The following FHIT variants were observed in gnomAD, a reference collection of about 807,000 sequenced individuals.
FHIT encodes bis(5'-adenosyl)-triphosphatase.
In FHIT, 19 loss-of-function variants were observed where a neutral mutation model predicts 17.9. That is an observed-to-expected ratio of 1.06 (90% CI 0.74 to 1.56). FHIT has a LOEUF of 1.56. FHIT is among the 40% of genes most tolerant of loss of function. FHIT has a pLI of 0.00. For synonymous variants in FHIT, 81 were observed against 69.7 expected (o/e 1.16, Z -0.81); for missense variants, 248 against 189.2 (o/e 1.31, Z -1.82).
intron 5 of FHIT, among the ~76,000 whole-genome samples, chr3:60,018,855 C>A (rs1303365126): frequency 3.9e-5 from 6 of 152,086 alleles, no homozygotes; most frequent in African/African-American, 1.4e-4. Context: ...TGGCGGGCAT[C>A]TGTAATCCCA....
intron 8 of FHIT, among the ~76,000 whole-genome samples, chr3:59,823,920 T>C (rs538054820): frequency 1.3e-5 from 2 of 152,178 alleles, no homozygotes; most frequent in Non-Finnish European, 2.9e-5. Context: ...CGCTGTTTGC[T>C]GATGATATGA....
At chr3:60,130,775 TGTGTGTGTG>T (rs1457796164) in intron 5 of FHIT, among the ~76,000 whole-genome samples, 104 of 432 alleles carry the variant, frequency 0.24, 1 homozygote, top group African/African-American at 0.41. Context: ...TTTGTGTGTG[TGTGTGTGTG>T]GTGTGTATAT....
intron 5 of FHIT, among the ~76,000 whole-genome samples, chr3:60,328,110 G>A (rs1240689769): frequency 1.3e-5 from 2 of 152,156 alleles, no homozygotes; most frequent in South Asian, 2.1e-4. Flanking sequence ...TAGCCACCAT[G>A]CTTGTCAATC....
intron 5 of FHIT, among the ~76,000 whole-genome samples, chr3:60,394,069 A>C (rs1424388195): frequency 6.6e-6 from 1 of 152,154 alleles, no homozygotes; most frequent in East Asian, 1.9e-4. Flanking sequence ...TTATGGTGTA[A>C]GCAAAGCCTC....
chr3:60,358,005 C>G (rs1440930982), intron 5 of FHIT, among the ~76,000 whole-genome samples: 1 of 152,160 alleles, frequency 6.6e-6, no homozygotes, highest in African/African-American at 2.4e-5. Context: ...CTATAGACCT[C>G]CAACCCAAAC....
chr3:60,950,447 A>G (rs1481691288), intron 3 of FHIT, among the ~76,000 whole-genome samples: 1 of 151,938 alleles, frequency 6.6e-6, no homozygotes, highest in Non-Finnish European at 1.5e-5. Flanking sequence ...ATAAAATAAA[A>G]TATTAAAGAA....
chr3:61,033,590 C>T (rs2033108193), intron 3 of FHIT, among the ~76,000 whole-genome samples: 1 of 152,184 alleles, frequency 6.6e-6, no homozygotes, highest in Non-Finnish European at 1.5e-5. Context: ...ATGGGGCTTA[C>T]ATCTGTGGTT....
intron 5 of FHIT, among the ~76,000 whole-genome samples, chr3:60,292,504 A>T (rs1435358638): frequency 2.0e-5 from 3 of 152,100 alleles, no homozygotes; most frequent in Admixed American, 2.0e-4. Flanking sequence ...TTTAACTTTT[A>T]CAACCAAATA....
chr3:61,001,567 C>G (rs2031084876), intron 3 of FHIT, among the ~76,000 whole-genome samples: 1 of 152,138 alleles, frequency 6.6e-6, no homozygotes, highest in Non-Finnish European at 1.5e-5. Flanking sequence ...AAGATACATA[C>G]TATATGATTA....
chr3:61,053,071 C>A (rs2034084274), intron 2 of FHIT, among the ~76,000 whole-genome samples: 1 of 151,932 alleles, frequency 6.6e-6, no homozygotes, highest in Non-Finnish European at 1.5e-5. Context: ...ATAATGAAAC[C>A]AGGGAATGAG....
rs371119929 is a variant in FHIT, at chr3:60,600,022, G to C, written c.-17-63043C>G. Among the ~76,000 whole-genome samples, 23 of 152,164 alleles carry C rather than the reference G, an allele frequency of 1.5e-4. 1 individual carries two copies. Among genetic ancestry groups the C allele is most frequent in the African/African-American group, 5.1e-4 (21 of 41,524 alleles). ...GCTAAATGTGTTCAGATGGGGAAAGGGGAGATATAAAATCACTCCCTTTTG... is the reference window on the plus strand; with the variant it reads ...GCTAAATGTGTTCAGATGGGGAAAGCGGAGATATAAAATCACTCCCTTTTG... On this transcript the variant is annotated intron_variant, in intron 4 of 9. Transcript: ENST00000492590.
At chr3:60,013,895 C>T in intron 6 of FHIT, 112 bp downstream of exon 6, 1 of 1,165,516 alleles carries the variant, frequency 8.6e-7, no homozygotes, top group East Asian at 2.4e-5. Flanking sequence ...TGGCTGCTAC[C>T]TAAAATACAA....
intron 5 of FHIT, among the ~76,000 whole-genome samples, chr3:60,183,750 C>T (rs1411515865): frequency 1.3e-5 from 2 of 152,104 alleles, no homozygotes; most frequent in Non-Finnish European, 2.9e-5. Flanking sequence ...CTATTAGGGC[C>T]AGTAACTTTT....
Position 60,595,532 on chromosome 3 carries a change from C to CATATAT in FHIT, c.-17-58559_-17-58554dup, listed in dbSNP as rs60827524. Reference sequence around the variant, plus strand: ...GTGTATATATATATGGACACACACACATATATATGTGTGTGTATATATGGA... The same window carrying CATATAT: ...GTGTATATATATATGGACACACACACATATATATATATATGTGTGTGTATATATGGA... On this transcript the variant is annotated intron_variant, in intron 4 of 9. Transcript: ENST00000492590. 5.9e-3 allele frequency among the ~76,000 whole-genome samples: 885 copies of CATATAT among 148,908 alleles called. 10 individuals are homozygous for CATATAT. The highest frequency in any genetic ancestry group is 0.02 in the African/African-American group (821 of 40,454).
At chr3:60,391,351 T>G (rs1257936470) in intron 5 of FHIT, among the ~76,000 whole-genome samples, 4 of 152,190 alleles carry the variant, frequency 2.6e-5, no homozygotes, top group Non-Finnish European at 5.9e-5. Context: ...AGGCTGGTCT[T>G]AAGCTCCCAG....
intron 4 of FHIT, among the ~76,000 whole-genome samples, chr3:60,708,697 C>A (rs560197122): frequency 6.6e-6 from 1 of 152,170 alleles, no homozygotes; most frequent in East Asian, 1.9e-4. Flanking sequence ...GGACATACCA[C>A]TTTTAATCCA....
intron 5 of FHIT, among the ~76,000 whole-genome samples, chr3:60,512,120 A>G (rs947766229): frequency 1.3e-5 from 2 of 152,220 alleles, no homozygotes; most frequent in Non-Finnish European, 2.9e-5. Context: ...ATCACCAACA[A>G]ATGCTAAAAC....
At chr3:60,895,738 T>C (rs1705779220) in intron 3 of FHIT, among the ~76,000 whole-genome samples, 1 of 141,716 alleles carries the variant, frequency 7.1e-6, no homozygotes, top group African/African-American at 2.6e-5. Flanking sequence ...TTCTTTCTTC[T>C]TTCTTTTGGT....
intron 7 of FHIT, among the ~76,000 whole-genome samples, chr3:59,991,670 A>G (rs887770304): frequency 6.6e-6 from 1 of 151,988 alleles, no homozygotes; most frequent in Admixed American, 6.6e-5. Flanking sequence ...TTTCTGAGTC[A>G]AATTCCGAGA....
Sources: gnomAD v4.1 joint callset for allele counts (sites outside exome capture counted in the v4.1 genomes callset) on GRCh38, gnomAD v4.1.1 for gene constraint, MANE v1.5 for transcripts, NCBI Gene and HGNC (gene_info 2026-07-23, HGNC 2026-07-21) for gene names.